FAM83F: variants seen among roughly 807,000 people sequenced by gnomAD.
FAM83F encodes the protein protein FAM83F.
FAM83F carries 45 observed loss-of-function variants against 42.9 expected under a neutral mutation model. The ratio of observed to expected loss-of-function variants is 1.05; its 90% CI spans 0.83 to 1.35. The LOEUF (loss-of-function observed/expected upper bound fraction) is 1.35, where lower values mean the gene tolerates loss of function less well. Ranked by LOEUF, FAM83F falls within the 40% of genes most tolerant of loss-of-function variation. FAM83F has a pLI of 0.00. For synonymous variants in FAM83F, 306 were observed against 298.3 expected, an observed-to-expected ratio of 1.03 and a Z score of -0.27; for missense variants, 617 against 695.9, an observed-to-expected ratio of 0.89 and a Z score of 1.28.
intron 1 of FAM83F, among the ~76,000 whole-genome samples, chr22:40,013,189 G>A (rs994418690): frequency 2.0e-5 from 3 of 149,560 alleles, no homozygotes; most frequent in African/African-American, 4.9e-5. Context: ...TTCTTACCCC[G>A]TGTCATGAAG....
At chr22:40,011,680 C>T (rs144178444) in intron 1 of FAM83F, among the ~76,000 whole-genome samples, 91 of 152,310 alleles carry the variant, frequency 6.0e-4, no homozygotes, top group Middle Eastern at 3.4e-3. Context: ...ATCCAAGTTA[C>T]GGCACATGGA....
intron 1 of FAM83F, among the ~76,000 whole-genome samples, chr22:39,996,741 A>AGCTATC (rs2067375093): frequency 6.6e-6 from 1 of 152,174 alleles, no homozygotes; most frequent in Non-Finnish European, 1.5e-5. Flanking sequence ...GGTGATCTAG[A>AGCTATC]TAGTTGGCTA....
At chr22:40,015,733 G>T (rs1455408178) in intron 1 of FAM83F, among the ~76,000 whole-genome samples, 1 of 152,050 alleles carries the variant, frequency 6.6e-6, no homozygotes, top group Non-Finnish European at 1.5e-5. Flanking sequence ...TCCTCCCCTG[G>T]CTAGAAGTAA....
rs1231443278 is a variant in FAM83F, at chr22:39,995,178, T to A, written c.136T>A (p.Tyr46Asn). 1.3e-6 allele frequency: 2 copies of A among 1,482,696 alleles called. No homozygotes were observed. Among genetic ancestry groups the A allele is most frequent in the South Asian group, 2.6e-5 (2 of 76,592 alleles). 91.8% of individuals were successfully genotyped at this position (1,482,696 alleles called of 1,614,324 possible). A position where few individuals can be genotyped will look rare whatever the true frequency, so the allele number is the denominator to read the frequency against. ...GCTGCTGGGCGGCGGCGAGCAGGCC[T>A]ACCGCGAGCGGCTCAAGGAGGAGCA... Reference protein sequence around the residue: ...EALLGGGEQAYRERLKEEQLR... With the variant: ...EALLGGGEQANRERLKEEQLR... The change falls in exon 1 of 5, where the codon TAC (tyrosine) becomes AAC (asparagine). Residue 46 changes from tyrosine to asparagine, a missense_variant. By Grantham distance (143) the Tyr-to-Asn change is moderately radical. Transcript: ENST00000333407. This position sits in a 1 kb window ranked among gnomAD's most constrained non-coding sequence, Gnocchi z 4.6.
intron 1 of FAM83F, among the ~76,000 whole-genome samples, chr22:40,011,427 C>T (rs2067463183): frequency 6.6e-6 from 1 of 152,138 alleles, no homozygotes; most frequent in Admixed American, 6.5e-5. Flanking sequence ...AGGTGATCCG[C>T]CCGCCTCGGC....
chr22:40,024,243 C>T (rs1235110738), intron 4 of FAM83F, among the ~76,000 whole-genome samples: 1 of 152,166 alleles, frequency 6.6e-6, no homozygotes, highest in Non-Finnish European at 1.5e-5. Flanking sequence ...GATCCTCCTA[C>T]CTCTGGGCCT....
At chr22:40,024,165 A>G (rs1023847523) in intron 4 of FAM83F, among the ~76,000 whole-genome samples, 1 of 152,062 alleles carries the variant, frequency 6.6e-6, no homozygotes, top group African/African-American at 2.4e-5. Context: ...ATGCCTGGCT[A>G]ATTTTTTAAA....
rs922612515 is a variant in FAM83F, at chr22:40,033,699, T to A, written c.*4134T>A. 1 of 152,284 alleles carries A rather than the reference T, an allele frequency of 6.6e-6. No homozygotes were observed. The highest frequency in any genetic ancestry group is 1.5e-5 in the Non-Finnish European group (1 of 68,084). The allele number at this position is 152,284 out of a possible 1,614,324, so 9.4% of individuals were successfully genotyped here. ...GCCCCCGTTGAGAGCACTGGCTCTT[T>A]TCTTCACAGTCCTGACCTGGTGGCC... On this transcript the variant is annotated 3_prime_UTR_variant, in exon 5 of 5. Coordinates refer to ENST00000333407, the MANE Select transcript of FAM83F (RefSeq NM_138435.4).
chr22:40,014,625 A>G (rs79369228), intron 1 of FAM83F, among the ~76,000 whole-genome samples: 1,589 of 152,120 alleles, frequency 0.01, 21 homozygotes, highest in African/African-American at 0.037. Context: ...TTAAATTTCT[A>G]TTATGTCTGT....
chr22:40,017,039 GTTTGTT>G (rs1254606507), intron 1 of FAM83F, among the ~76,000 whole-genome samples: 1 of 151,840 alleles, frequency 6.6e-6, no homozygotes, highest in Non-Finnish European at 1.5e-5. Context: ...ACTTTTTTTT[GTTTGTT>G]TTTGTTTTTG....
rs1436846545 is a variant in FAM83F, at chr22:40,039,806, G to C, written c.*10241G>C. The C allele has an allele frequency of 6.6e-6, 1 of 152,264 alleles. No homozygotes were observed. The allele number at this position is 152,264 out of a possible 1,614,324, so 9.4% of individuals were successfully genotyped here. ...AAAGAAAAGATTCTCAGAGTAAAACGTATTGGTGAAGCCATGGAAACAAGG... is the reference window on the plus strand; with the variant it reads ...AAAGAAAAGATTCTCAGAGTAAAACCTATTGGTGAAGCCATGGAAACAAGG... On this transcript the variant is annotated 3_prime_UTR_variant, in exon 5 of 5. Coordinates refer to ENST00000333407, the MANE Select transcript of FAM83F (RefSeq NM_138435.4).
Position 40,019,927 on chromosome 22 carries a change from T to C in FAM83F, c.698T>C (p.Met233Thr), listed in dbSNP as rs138922354. The change falls in exon 3 of 5, where the codon ATG becomes ACG. Residue 233 changes from methionine to threonine, a missense_variant. Coordinates refer to ENST00000333407, the MANE Select transcript of FAM83F (RefSeq NM_138435.4). ...TCTGTGACAGGCGTCGGCTTCTACA[T>C]GCCCATGGGGAGGATCAAGGGGACC... ...VRSVTGVGFYMPMGRIKGTLS... is the reference protein window; with the variant it reads ...VRSVTGVGFYTPMGRIKGTLS... 9.9e-6 allele frequency: 16 copies of C among 1,613,334 alleles called. No homozygotes were observed. Among genetic ancestry groups the C allele is most frequent in the Middle Eastern group, 1.6e-4 (1 of 6,076 alleles).
At chr22:40,019,704 G>A (rs559620752) in intron 2 of FAM83F, among the ~76,000 whole-genome samples, 183 bp from the exon 3 acceptor site, 1 of 152,258 alleles carries the variant, frequency 6.6e-6, no homozygotes, top group Admixed American at 6.5e-5. Flanking sequence ...CAAGATTTGG[G>A]GACTTCTTCC....
chr22:40,015,090 G>A (rs575557115), intron 1 of FAM83F, among the ~76,000 whole-genome samples: 2 of 152,278 alleles, frequency 1.3e-5, no homozygotes, highest in South Asian at 2.1e-4. Context: ...GTTTGTGTGT[G>A]TGTAAGAGAG....
chr22:40,016,354 C>T (rs1195102425), intron 1 of FAM83F, among the ~76,000 whole-genome samples: 1 of 152,080 alleles, frequency 6.6e-6, no homozygotes, highest in African/African-American at 2.4e-5. Flanking sequence ...AGGCATGTGC[C>T]ACCATGCCTA....
Position 40,037,463 on chromosome 22 carries a change from C to G in FAM83F, c.*7898C>G, listed in dbSNP as rs994219640. The stretch of plus-strand genomic sequence containing the variant: ...CAGTGGGCTGGATTTGGTCCTCAAG[C>G]CTGGGCTTGCTGACCTCTGGCCTAG... On this transcript the variant is annotated 3_prime_UTR_variant, in exon 5 of 5. Transcript: ENST00000333407. The G allele has an allele frequency of 6.6e-6, 1 of 152,268 alleles. No homozygotes were observed. The highest frequency in any genetic ancestry group is 2.4e-5 in the African/African-American group (1 of 41,454). The allele number at this position is 152,268 out of a possible 1,614,324, so 9.4% of individuals were successfully genotyped here.
In FAM83F at chr22:40,034,262, T is replaced by C. The variant is rs528190825; in HGVS notation, c.*4697T>C. ...CTCCTGCCTCCCTGCCCAAAGGACG[T>C]AGTGGCTGCTGCTGATCGTCTGCAC... On this transcript the variant is annotated 3_prime_UTR_variant, in exon 5 of 5. Coordinates refer to ENST00000333407, the MANE Select transcript of FAM83F (RefSeq NM_138435.4). The C allele has an allele frequency of 2.0e-5, 3 of 152,396 alleles. No individual in the cohort carries two copies. The highest frequency in any genetic ancestry group is 2.0e-4 in the Admixed American group (3 of 15,310). 9.4% of individuals were successfully genotyped at this position (152,396 alleles called of 1,614,324 possible). A position where few individuals can be genotyped will look rare whatever the true frequency, so the allele number is the denominator to read the frequency against.
intron 3 of FAM83F, among the ~76,000 whole-genome samples, chr22:40,020,465 C>T (rs573664022): frequency 2.7e-5 from 4 of 149,898 alleles, no homozygotes; most frequent in African/African-American, 4.9e-5. Flanking sequence ...CGGATTCAAG[C>T]GATTCTCCTG....
chr22:39,995,749 C>T lies in FAM83F; in HGVS notation c.489+218C>T, dbSNP rs1267062022. Among the ~76,000 whole-genome samples, 2 of 152,172 alleles carry T rather than the reference C, an allele frequency of 1.3e-5. No individual in the cohort carries two copies. Among genetic ancestry groups the T allele is most frequent in the East Asian group, 1.9e-4 (1 of 5,172 alleles). The stretch of plus-strand genomic sequence containing the variant: ...TACAAGGTGCTGGACAGATGTCAGC[C>T]GTCGGTATTCCAGCGTTCAGAGGCA... On this transcript the variant is annotated intron_variant, in intron 1 of 4. Transcript: ENST00000333407. This position sits in a 1 kb window ranked among gnomAD's most constrained non-coding sequence, Gnocchi z 4.6.
Sources: allele counts gnomAD v4.1 joint callset (sites outside exome capture counted in the v4.1 genomes callset), GRCh38; gene constraint gnomAD v4.1.1; non-coding constraint Gnocchi (gnomAD v3.1); transcripts MANE v1.5; gene names NCBI Gene and HGNC (gene_info 2026-07-23, HGNC 2026-07-21).